FNIP1: variants seen among roughly 807,000 people sequenced by gnomAD.
FNIP1 encodes folliculin interacting protein 1, also known as folliculin-interacting protein 1.
In FNIP1, 40 loss-of-function variants were observed where a neutral mutation model predicts 124.5. The observed-to-expected ratio is 0.32, with a 90% confidence interval of 0.25 to 0.42. FNIP1 has a LOEUF of 0.42. Ranked by LOEUF, FNIP1 falls within the 10% of genes least tolerant of loss-of-function variation. The pLI is 1.00. For synonymous variants in FNIP1, 472 were observed against 470.6 expected (o/e 1.00, Z -0.04); for missense variants, 1,176 against 1,403.7 (o/e 0.84, Z 2.59).
At chr5:131,686,287 T>C (rs1768270190) in intron 11 of FNIP1, among the ~76,000 whole-genome samples, 1 of 152,200 alleles carries the variant, frequency 6.6e-6, no homozygotes, top group South Asian at 2.1e-4. Context: ...GGCTTATAGT[T>C]CCATTATAGT....
In FNIP1 at chr5:131,729,831, C is replaced by T. The variant is rs113384941; in HGVS notation, c.354+1073G>A. ...CGCAATCTTGGGTCACCACAACATC[C>T]GCCTCCCAGGTTCAAGCAATTCTCC... On this transcript the variant is annotated intron_variant, in intron 3 of 17. Coordinates refer to ENST00000510461, the MANE Select transcript of FNIP1 (RefSeq NM_133372.3). Among the ~76,000 whole-genome samples, 1,161 of 152,074 alleles carry T rather than the reference C, an allele frequency of 7.6e-3. 3 individuals carry two copies. Among genetic ancestry groups the T allele is most frequent in the Non-Finnish European group, 0.012 (797 of 67,982 alleles).
In FNIP1 at chr5:131,747,973, G is replaced by A. The variant is rs1039533476; in HGVS notation, c.93-3283C>T. ...AATAACTCTCACACTAGGATGGAAA[G>A]AAAGGAGATAAAGATGTACATGGGT... On this transcript the variant is annotated intron_variant, in intron 1 of 17. Transcript: ENST00000510461. 2.6e-5 allele frequency among the ~76,000 whole-genome samples: 4 copies of A among 152,024 alleles called. No homozygotes were observed. In the East Asian group the frequency reaches 7.7e-4, roughly 29 times the overall value.
intron 1 of FNIP1, among the ~76,000 whole-genome samples, chr5:131,777,137 C>T (rs997695114): frequency 6.7e-6 from 1 of 150,122 alleles, no homozygotes; most frequent in Non-Finnish European, 1.5e-5. Flanking sequence ...AGCTACTATA[C>T]ATATATATAT....
chr5:131,748,761 A>C (rs1257024024), intron 1 of FNIP1, among the ~76,000 whole-genome samples: 1 of 151,782 alleles, frequency 6.6e-6, no homozygotes, highest in Non-Finnish European at 1.5e-5. Flanking sequence ...CTATACTTTT[A>C]TCATTATTTT....
chr5:131,642,138 T>C lies in FNIP1; in HGVS notation c.*2547A>G, dbSNP rs1454658555. On this transcript the variant is annotated 3_prime_UTR_variant, in exon 18 of 18. Transcript: ENST00000510461. ...TTCAATAAACAGGTTTTTTTTGATA[T>C]GTAACAACTGTCTGTACCATAACTT... 6.5e-6 allele frequency: 1 copy of C among 152,784 alleles called. No individual in the cohort carries two copies. Among genetic ancestry groups the C allele is most frequent in the East Asian group, 1.9e-4 (1 of 5,342 alleles). 9.5% of individuals were successfully genotyped at this position (152,784 alleles called of 1,614,324 possible). A position where few individuals can be genotyped will look rare whatever the true frequency, so the allele number is the denominator to read the frequency against.
intron 1 of FNIP1, among the ~76,000 whole-genome samples, chr5:131,766,388 C>T (rs938973177): frequency 7.2e-5 from 11 of 152,104 alleles, no homozygotes; most frequent in Admixed American, 7.2e-4. Context: ...CAAGCAGAGA[C>T]TTCTCCAATC....
intron 1 of FNIP1, among the ~76,000 whole-genome samples, chr5:131,785,141 ATAG>A (rs1370847540): frequency 0.015 from 238 of 15,414 alleles, 10 homozygotes; most frequent in African/African-American, 0.03. Context: ...GACTATATAT[ATAG>A]TCATATATAT....
At chr5:131,770,831 C>G (rs1771605896) in intron 1 of FNIP1, among the ~76,000 whole-genome samples, 1 of 152,182 alleles carries the variant, frequency 6.6e-6, no homozygotes, top group Non-Finnish European at 1.5e-5. Context: ...AAATTCAAAA[C>G]TGTATGTATA....
intron 15 of FNIP1, among the ~76,000 whole-genome samples, chr5:131,656,682 C>A (rs1388219780): frequency 6.6e-6 from 1 of 152,020 alleles, no homozygotes; most frequent in Non-Finnish European, 1.5e-5. Context: ...AGTTCTTGGA[C>A]ACCATCAAGA....
chr5:131,747,876 G>A (rs142450498), intron 1 of FNIP1, among the ~76,000 whole-genome samples: 1 of 152,210 alleles, frequency 6.6e-6, no homozygotes, highest in Non-Finnish European at 1.5e-5. Context: ...CTGAGGTGGA[G>A]GAGAAATACA....
At chr5:131,771,249 C>A (rs941969700) in intron 1 of FNIP1, among the ~76,000 whole-genome samples, 1 of 152,120 alleles carries the variant, frequency 6.6e-6, no homozygotes, top group East Asian at 1.9e-4. Context: ...ATTGTCTGTA[C>A]CTCTAGTCTG....
chr5:131,733,687 T>C (rs1273571624), intron 2 of FNIP1, among the ~76,000 whole-genome samples: 1 of 152,248 alleles, frequency 6.6e-6, no homozygotes, highest in Admixed American at 6.5e-5. Context: ...GCCCACTTGA[T>C]CATGGTGGAT....
chr5:131,712,324 AAC>A (rs1426754554), intron 6 of FNIP1, among the ~76,000 whole-genome samples: 5 of 152,170 alleles, frequency 3.3e-5, no homozygotes, highest in African/African-American at 4.8e-5. Context: ...TCAACACTTA[AAC>A]ACAATCAATT....
chr5:131,659,494 G>A (rs1464098710), intron 15 of FNIP1, among the ~76,000 whole-genome samples: 4 of 152,218 alleles, frequency 2.6e-5, no homozygotes, highest in Non-Finnish European at 5.9e-5. Flanking sequence ...TGTCACACAC[G>A]ATTTCCCGCT....
chr5:131,659,536 G>A (rs755301047), intron 15 of FNIP1, among the ~76,000 whole-genome samples: 1 of 152,154 alleles, frequency 6.6e-6, no homozygotes, highest in African/African-American at 2.4e-5. Context: ...AGCTGTGCTC[G>A]GTGAGGATCT....
At chr5:131,768,550 C>T (rs1052247982) in intron 1 of FNIP1, among the ~76,000 whole-genome samples, 3 of 152,014 alleles carry the variant, frequency 2.0e-5, no homozygotes, top group East Asian at 1.9e-4. Context: ...TGGCTCATGC[C>T]TGTAATCCCA....
At chr5:131,662,172 G>C (rs1420305887) in intron 15 of FNIP1, among the ~76,000 whole-genome samples, 1 of 152,112 alleles carries the variant, frequency 6.6e-6, no homozygotes, top group South Asian at 2.1e-4. Context: ...GGTGAGTTTT[G>C]TCTGAAAAGG....
At chr5:131,730,846 A>C in intron 3 of FNIP1, 58 bp downstream of exon 3, 1 of 1,421,414 alleles carries the variant, frequency 7.0e-7, no homozygotes, top group Non-Finnish European at 9.6e-7. Flanking sequence ...AGTCCACTGG[A>C]TGATGTTCAA....
At chr5:131,778,292 TCTAA>T (rs987551569) in intron 1 of FNIP1, among the ~76,000 whole-genome samples, 30 of 152,122 alleles carry the variant, frequency 2.0e-4, no homozygotes, top group Admixed American at 1.9e-3. Flanking sequence ...AGCCTCTAGA[TCTAA>T]CTCTCAATTT....
Sources: gnomAD v4.1 joint callset for allele counts (sites outside exome capture counted in the v4.1 genomes callset) on GRCh38, gnomAD v4.1.1 for gene constraint, MANE v1.5 for transcripts, NCBI Gene and HGNC (gene_info 2026-07-23, HGNC 2026-07-21) for gene names.